The following PTPRG variants were observed in gnomAD, a reference collection of about 807,000 sequenced individuals.
The protein encoded by PTPRG is receptor-type tyrosine-protein phosphatase gamma.
In PTPRG, 102 loss-of-function variants were observed where a neutral mutation model predicts 165.3. The observed-to-expected ratio is 0.62, with a 90% CI of 0.53 to 0.73. The LOEUF is 0.73. Ranked by LOEUF, PTPRG falls within the 30% of genes least tolerant of loss-of-function variation. The pLI is 0.00. For synonymous variants in PTPRG, 675 were observed against 669.5 expected (o/e 1.01, Z -0.13); for missense variants, 1,866 against 1,861.4 (o/e 1.00, Z -0.05).
chr3:61,841,825 AAAAC>A (rs1365104936), intron 2 of PTPRG, among the ~76,000 whole-genome samples: 1 of 137,388 alleles, frequency 7.3e-6, no homozygotes, highest in African/African-American at 3.3e-5. Flanking sequence ...AACAAAAACA[AAAAC>A]AAAACAAAAC....
In PTPRG at chr3:62,069,358, A is replaced by T. The variant is rs146467686; in HGVS notation, c.520-8805A>T. 4.9e-4 allele frequency among the ~76,000 whole-genome samples: 74 copies of T among 152,296 alleles called. 2 individuals carry two copies. The East Asian group carries it at 0.011, about 23-fold the overall frequency. The stretch of plus-strand genomic sequence containing the variant: ...GCAAATACTCTTAGATCTTCATCTA[A>T]TACTGCCAACTTTATGGATATTTTT... On this transcript the variant is annotated intron_variant, in intron 4 of 29. Coordinates refer to ENST00000474889, the MANE Select transcript of PTPRG (RefSeq NM_002841.4).
intron 1 of PTPRG, among the ~76,000 whole-genome samples, chr3:61,594,531 A>AC (rs922978815): frequency 2.0e-5 from 3 of 151,602 alleles, no homozygotes; most frequent in African/African-American, 4.9e-5. Flanking sequence ...TTGGAGGAGC[A>AC]CCCCCCATCT....
intron 2 of PTPRG, among the ~76,000 whole-genome samples, chr3:61,819,413 C>T (rs1042019503): frequency 2.6e-5 from 4 of 152,112 alleles, no homozygotes; most frequent in Non-Finnish European, 5.9e-5. Flanking sequence ...TGTAGTGTTT[C>T]AGATAATCAT....
intron 2 of PTPRG, among the ~76,000 whole-genome samples, chr3:61,975,711 T>C (rs546721358): frequency 2.4e-4 from 36 of 152,266 alleles, no homozygotes; most frequent in Admixed American, 5.2e-4. Context: ...AATATAAATA[T>C]ATCGCTTCTG....
intron 5 of PTPRG, 42 bp downstream of exon 5, chr3:62,078,300 G>GT (rs1376114511): frequency 1.4e-6 from 2 of 1,389,838 alleles, no homozygotes. Context: ...AATTCTTTGA[G>GT]TATTTTTTTT....
At position 62,288,590 on chromosome 3, in the gene PTPRG, T is replaced by C. The variant is rs988465200; in HGVS notation, c.4056-3831T>C. Among the ~76,000 whole-genome samples the C allele has an allele frequency of 2.0e-4, 30 of 151,932 alleles. 4 individuals carry two copies. The highest frequency in any genetic ancestry group is 1.4e-3 in the Admixed American group (21 of 15,244). ...CGGGAGGCTGAGGCAGGAGAATCGT[T>C]TGAACCTGGGAGGCAGAGGTTGCAG... On this transcript the variant is annotated intron_variant, in intron 28 of 29. Coordinates refer to ENST00000474889, the MANE Select transcript of PTPRG (RefSeq NM_002841.4).
At chr3:62,277,724 A>T in intron 26 of PTPRG, 45 bp downstream of exon 26, 1 of 1,603,834 alleles carries the variant, frequency 6.2e-7, no homozygotes, top group Non-Finnish European at 8.5e-7. Context: ...CCATGAGGCT[A>T]CAAGCATAAA....
chr3:61,702,530 C>T (rs1339055526), intron 1 of PTPRG, among the ~76,000 whole-genome samples: 1 of 151,754 alleles, frequency 6.6e-6, no homozygotes, highest in Non-Finnish European at 1.5e-5. Context: ...CACACGTGTA[C>T]ACACACACAC....
chr3:61,918,092 T>C (rs2038986928), intron 2 of PTPRG, among the ~76,000 whole-genome samples: 1 of 152,148 alleles, frequency 6.6e-6, no homozygotes, highest in African/African-American at 2.4e-5. Flanking sequence ...TTTTCCCCTA[T>C]AACTTGGTCA....
chr3:62,046,913 TGCACTGA>T (rs1355193243), intron 4 of PTPRG, among the ~76,000 whole-genome samples: 1 of 152,192 alleles, frequency 6.6e-6, no homozygotes, highest in Non-Finnish European at 1.5e-5. Flanking sequence ...TGCAAGACTG[TGCACTGA>T]GCTAATTATG....
At chr3:61,915,553 T>C (rs1393316567) in intron 2 of PTPRG, among the ~76,000 whole-genome samples, 1 of 152,076 alleles carries the variant, frequency 6.6e-6, no homozygotes, top group African/African-American at 2.4e-5. Context: ...CATCATCTTA[T>C]TATTCTTTGG....
intron 5 of PTPRG, among the ~76,000 whole-genome samples, chr3:62,081,066 G>C (rs1291798734): frequency 1.3e-5 from 2 of 151,708 alleles, no homozygotes; most frequent in East Asian, 3.9e-4. Flanking sequence ...GACCATCCTG[G>C]CTAACACGGT....
At chr3:61,789,099 CT>C (rs1435215960) in intron 2 of PTPRG, among the ~76,000 whole-genome samples, 1 of 151,882 alleles carries the variant, frequency 6.6e-6, no homozygotes, top group Non-Finnish European at 1.5e-5. Flanking sequence ...CTTTTCTTTT[CT>C]TTTTTTCTTT....
intron 2 of PTPRG, among the ~76,000 whole-genome samples, chr3:61,918,385 C>T (rs867208664): frequency 5.3e-5 from 8 of 152,186 alleles, no homozygotes; most frequent in Middle Eastern, 6.8e-3. Context: ...TACACACACA[C>T]AGAGTATATG....
chr3:61,729,652 G>A (rs1010841479), intron 1 of PTPRG, among the ~76,000 whole-genome samples: 2 of 152,050 alleles, frequency 1.3e-5, no homozygotes, highest in Non-Finnish European at 2.9e-5. Flanking sequence ...GGAGTTATAT[G>A]GTTTAACATA....
chr3:62,067,646 G>T (rs1004292592), intron 4 of PTPRG, among the ~76,000 whole-genome samples: 1 of 152,176 alleles, frequency 6.6e-6, no homozygotes, highest in East Asian at 1.9e-4. Context: ...GACAGCGACA[G>T]ATCATCAGGC....
At chr3:62,147,442 A>G (rs539860976) in intron 6 of PTPRG, among the ~76,000 whole-genome samples, 2 of 152,298 alleles carry the variant, frequency 1.3e-5, no homozygotes, top group African/African-American at 4.8e-5. Flanking sequence ...TGTGAGTCCT[A>G]CTGAATAATG....
chr3:61,965,732 G>A (rs1369060504), intron 2 of PTPRG, among the ~76,000 whole-genome samples: 2 of 152,290 alleles, frequency 1.3e-5, no homozygotes, highest in Non-Finnish European at 2.9e-5. Flanking sequence ...AAGACACTAA[G>A]CATTTCACCT....
At position 62,217,229 on chromosome 3, in the gene PTPRG, T is replaced by C. The variant is rs1032652789; in HGVS notation, c.2156-1622T>C. Among the ~76,000 whole-genome samples the C allele has an allele frequency of 6.6e-5, 10 of 152,188 alleles. No individual in the cohort carries two copies. The highest frequency in any genetic ancestry group is 1.9e-4 in the African/African-American group (8 of 41,436). The stretch of plus-strand genomic sequence containing the variant: ...CACAGCTAGGAAGGCACTTTATAAA[T>C]GGCAAAGTGCTCTGTGGAGGTTTTT... On this transcript the variant is annotated intron_variant, in intron 12 of 29. Transcript: ENST00000474889. The surrounding 1 kb of genome is among the most constrained non-coding windows in gnomAD (Gnocchi z 4.3).
Sources: allele counts gnomAD v4.1 joint callset (sites outside exome capture counted in the v4.1 genomes callset), GRCh38; gene constraint gnomAD v4.1.1; non-coding constraint Gnocchi (gnomAD v3.1); transcripts MANE v1.5; gene names NCBI Gene and HGNC (gene_info 2026-07-23, HGNC 2026-07-21).